AUTS2: variants seen among roughly 807,000 people sequenced by gnomAD.
AUTS2 encodes autism susceptibility gene 2 protein.
Under a neutral mutation model 112.4 loss-of-function variants are expected in AUTS2, and 17 were observed. That is an observed-to-expected ratio of 0.15 (90% CI 0.10 to 0.23). The LOEUF (loss-of-function observed/expected upper bound fraction) is 0.23, where lower values mean the gene tolerates loss of function less well. Ranked by LOEUF, AUTS2 falls within the 10% of genes least tolerant of loss-of-function variation. The pLI is 1.00. For missense variants in AUTS2, 1,510 were observed against 1,701.6 expected (o/e 0.89, Z 1.98); for synonymous variants, 751 against 702.7 (o/e 1.07, Z -1.09).
chr7:70,117,244 G>A (rs1397469657), intron 2 of AUTS2, among the ~76,000 whole-genome samples: 1 of 147,718 alleles, frequency 6.8e-6, no homozygotes, highest in Non-Finnish European at 1.5e-5. Flanking sequence ...TACTTAATCT[G>A]TAGGTCTTCA....
intron 4 of AUTS2, among the ~76,000 whole-genome samples, chr7:70,215,993 T>G (rs1811146314): frequency 6.6e-6 from 1 of 152,212 alleles, no homozygotes. Flanking sequence ...CCATTGAGAA[T>G]CTGACAAATG....
At chr7:69,645,113 T>G (rs1794967942) in intron 1 of AUTS2, among the ~76,000 whole-genome samples, 2 of 147,806 alleles carry the variant, frequency 1.4e-5, no homozygotes, top group African/African-American at 2.5e-5. Context: ...GGTCTTGCAG[T>G]GTTGCCCTGG....
intron 1 of AUTS2, among the ~76,000 whole-genome samples, chr7:69,748,876 CTTAGGGG>C: frequency 6.6e-6 from 1 of 152,024 alleles, no homozygotes; most frequent in Non-Finnish European, 1.5e-5. Context: ...AAACAATTTG[CTTAGGGG>C]TAAGTTTATT....
At chr7:70,718,692 C>A (rs1013242390) in intron 6 of AUTS2, among the ~76,000 whole-genome samples, 2 of 152,048 alleles carry the variant, frequency 1.3e-5, no homozygotes, top group Non-Finnish European at 2.9e-5. Context: ...AACAAAAAAA[C>A]CCAATAACAC....
chr7:70,643,506 G>C (rs1474111350), intron 5 of AUTS2, among the ~76,000 whole-genome samples: 3 of 152,166 alleles, frequency 2.0e-5, no homozygotes, highest in Non-Finnish European at 4.4e-5. Flanking sequence ...AGGAGGCTGA[G>C]GTTGCAGTGA....
At chr7:69,751,700 A>G in intron 1 of AUTS2, among the ~76,000 whole-genome samples, 1 of 152,194 alleles carries the variant, frequency 6.6e-6, no homozygotes, top group East Asian at 1.9e-4. Context: ...TGCATCTGCA[A>G]AGGTATGGCC....
intron 5 of AUTS2, among the ~76,000 whole-genome samples, chr7:70,511,000 C>G (rs905384771): frequency 1.3e-5 from 2 of 152,110 alleles, no homozygotes; most frequent in African/African-American, 2.4e-5. Flanking sequence ...AGGCACCCAC[C>G]ACCATGCCCG....
intron 1 of AUTS2, among the ~76,000 whole-genome samples, chr7:69,674,970 TTGTTAATA>T (rs1292987219): frequency 6.6e-5 from 10 of 152,196 alleles, no homozygotes; most frequent in Non-Finnish European, 2.9e-5. Flanking sequence ...TTGGTTGCAT[TTGTTAATA>T]TGTTAGTCTG....
At chr7:69,653,910 C>A (rs1479709536) in intron 1 of AUTS2, among the ~76,000 whole-genome samples, 1 of 152,138 alleles carries the variant, frequency 6.6e-6, no homozygotes, top group Non-Finnish European at 1.5e-5. Flanking sequence ...CTCTCTGTCT[C>A]TACTTAGTAT....
intron 5 of AUTS2, among the ~76,000 whole-genome samples, chr7:70,643,530 C>T (rs1805972268): frequency 2.0e-5 from 3 of 152,062 alleles, no homozygotes; most frequent in African/African-American, 7.2e-5. Flanking sequence ...GGGATTACGC[C>T]ACTGCACTCC....
At chr7:70,377,374 A>ATATATG (rs1793156874) in intron 4 of AUTS2, among the ~76,000 whole-genome samples, 3 of 102,276 alleles carry the variant, frequency 2.9e-5, no homozygotes, top group African/African-American at 1.1e-4. Context: ...ATATATATAT[A>ATATATG]GTGATATATA....
At chr7:70,729,905 C>T (rs906361153) in intron 6 of AUTS2, among the ~76,000 whole-genome samples, 3 of 145,442 alleles carry the variant, frequency 2.1e-5, no homozygotes, top group African/African-American at 8.0e-5. Context: ...TATTTAGAGA[C>T]GGACTCTGGC....
At chr7:70,541,568 A>G (rs1276188082) in intron 5 of AUTS2, among the ~76,000 whole-genome samples, 1 of 152,230 alleles carries the variant, frequency 6.6e-6, no homozygotes, top group African/African-American at 2.4e-5. Flanking sequence ...TTATGATCCA[A>G]TATACTGCTA....
intron 5 of AUTS2, among the ~76,000 whole-genome samples, chr7:70,460,148 C>T (rs1432363744): frequency 6.6e-6 from 1 of 152,096 alleles, no homozygotes; most frequent in Non-Finnish European, 1.5e-5. Flanking sequence ...GGCTGCCCAG[C>T]TACCCTGCCT....
chr7:70,497,638 T>A (rs993153912), intron 5 of AUTS2, among the ~76,000 whole-genome samples: 3 of 152,208 alleles, frequency 2.0e-5, no homozygotes, highest in Non-Finnish European at 4.4e-5. Context: ...AAAGGTAGAT[T>A]TTCTTGGCAT....
At chr7:69,651,449 A>G (rs1379082242) in intron 1 of AUTS2, among the ~76,000 whole-genome samples, 1 of 152,226 alleles carries the variant, frequency 6.6e-6, no homozygotes, top group Non-Finnish European at 1.5e-5. Flanking sequence ...TGTTTGAACT[A>G]GCGTGTTCTG....
chr7:70,112,135 A>G (rs953603903), intron 2 of AUTS2, among the ~76,000 whole-genome samples: 2 of 151,882 alleles, frequency 1.3e-5, no homozygotes, highest in Non-Finnish European at 2.9e-5. Flanking sequence ...AACTTCTAGC[A>G]AAGATTTTAC....
intron 5 of AUTS2, among the ~76,000 whole-genome samples, chr7:70,503,418 A>G (rs1249236181): frequency 2.0e-5 from 3 of 151,870 alleles, no homozygotes; most frequent in Non-Finnish European, 2.9e-5. Context: ...AAATTGGCCC[A>G]AGCTAGGCCC....
intron 2 of AUTS2, among the ~76,000 whole-genome samples, chr7:69,927,065 T>C (rs1393088571): frequency 2.7e-5 from 4 of 147,634 alleles, no homozygotes; most frequent in Admixed American, 1.4e-4. Context: ...ATATGTTAAA[T>C]ACTTTATTCG....
Sources: gnomAD v4.1 joint callset for allele counts (sites outside exome capture counted in the v4.1 genomes callset) on GRCh38, gnomAD v4.1.1 for gene constraint, MANE v1.5 for transcripts, NCBI Gene and HGNC (gene_info 2026-07-23, HGNC 2026-07-21) for gene names.